Variants in SREK1IP1 observed in about 807,000 individuals in gnomAD.
SREK1IP1 encodes the protein SREK1 interacting protein 1.
Under a neutral mutation model 22.8 loss-of-function variants are expected in SREK1IP1, and 12 were observed. The ratio of observed to expected loss-of-function variants is 0.53; its 90% confidence interval spans 0.34 to 0.85. The LOEUF (loss-of-function observed/expected upper bound fraction) is 0.85, where lower values mean the gene tolerates loss of function less well. SREK1IP1 is among the 40% of genes least tolerant of loss of function. The pLI, the probability that SREK1IP1 is intolerant of heterozygous loss-of-function variation, is 0.02. For synonymous variants in SREK1IP1, 53 were observed against 52.7 expected (o/e 1.01, Z -0.02); for missense variants, 147 against 171.8 (o/e 0.86, Z 0.81).
At chr5:64,740,623 T>G (rs1370992161) in intron 3 of SREK1IP1, among the ~76,000 whole-genome samples, 1 of 152,176 alleles carries the variant, frequency 6.6e-6, no homozygotes, top group Non-Finnish European at 1.5e-5. Context: ...AGCTTGATAC[T>G]GGCTAAGATC....
chr5:64,761,878 GA>G (rs11332410), intron 1 of SREK1IP1, among the ~76,000 whole-genome samples: 49,937 of 151,636 alleles, frequency 0.33, 8,586 homozygotes, highest in East Asian at 0.51. Context: ...TAGCACAAAA[GA>G]AAAAAAATTT....
intron 1 of SREK1IP1, 87 bp downstream of exon 1, chr5:64,768,418 G>T (rs781409859): frequency 5.1e-6 from 8 of 1,570,966 alleles, no homozygotes; most frequent in Non-Finnish European, 7.0e-6. Flanking sequence ...CCCCATGGGC[G>T]CTGCTCCGTA....
At chr5:64,731,633 G>A in intron 3 of SREK1IP1, among the ~76,000 whole-genome samples, 1 of 151,980 alleles carries the variant, frequency 6.6e-6, no homozygotes. Context: ...CAAATGACAG[G>A]AGCCTCAAAA....
chr5:64,756,689 G>A (rs979526405), intron 1 of SREK1IP1, among the ~76,000 whole-genome samples: 12 of 151,194 alleles, frequency 7.9e-5, no homozygotes, highest in Admixed American at 2.6e-4. Context: ...GCAGTGGTGC[G>A]TATCTCGGCT....
At chr5:64,763,069 A>ATG (rs1156410388) in intron 1 of SREK1IP1, among the ~76,000 whole-genome samples, 2 of 151,626 alleles carry the variant, frequency 1.3e-5, no homozygotes, top group African/African-American at 4.9e-5. Context: ...ATATATATAT[A>ATG]AACAAATAAA....
intron 2 of SREK1IP1, among the ~76,000 whole-genome samples, chr5:64,747,366 T>C (rs1742655476): frequency 6.6e-6 from 1 of 152,112 alleles, no homozygotes; most frequent in African/African-American, 2.4e-5. Flanking sequence ...AGAATCGCCT[T>C]ATTAGTATAA....
chr5:64,742,679 A>G (rs77170849), intron 2 of SREK1IP1, among the ~76,000 whole-genome samples: 10,136 of 152,118 alleles, frequency 0.067, 1,104 homozygotes, highest in African/African-American at 0.23. Flanking sequence ...TTTATCCCCC[A>G]CATCCTGCCA....
intron 2 of SREK1IP1, among the ~76,000 whole-genome samples, chr5:64,742,827 A>G (rs573840733): frequency 6.6e-6 from 1 of 152,294 alleles, no homozygotes; most frequent in Admixed American, 6.5e-5. Flanking sequence ...ATATTAATGT[A>G]TCTAAAATAT....
chr5:64,751,440 T>C (rs529260455), intron 2 of SREK1IP1, among the ~76,000 whole-genome samples: 11 of 152,346 alleles, frequency 7.2e-5, no homozygotes, highest in Admixed American at 7.2e-4. Flanking sequence ...TGTAATTAAG[T>C]TGCTTTTAAA....
At chr5:64,725,138 AT>A (rs1742242040) in intron 4 of SREK1IP1, among the ~76,000 whole-genome samples, 1 of 152,152 alleles carries the variant, frequency 6.6e-6, no homozygotes, top group African/African-American at 2.4e-5. Context: ...TTACAAAATA[AT>A]TTTCATTAGT....
intron 1 of SREK1IP1, among the ~76,000 whole-genome samples, chr5:64,761,503 TGCTCCTAA>T (rs1742952062): frequency 6.6e-6 from 1 of 152,374 alleles, no homozygotes; most frequent in Admixed American, 6.5e-5. Context: ...TATAGCCTAC[TGCTCCTAA>T]GCTACAAACT....
intron 1 of SREK1IP1, among the ~76,000 whole-genome samples, chr5:64,755,984 T>C (rs573811422): frequency 1.3e-5 from 2 of 152,202 alleles, no homozygotes; most frequent in South Asian, 2.1e-4. Flanking sequence ...TTATAAGAAA[T>C]ATCTAAATTC....
intron 3 of SREK1IP1, among the ~76,000 whole-genome samples, 174 bp from the exon 4 acceptor site, chr5:64,728,353 G>T (rs1397237247): frequency 6.6e-6 from 1 of 151,838 alleles, no homozygotes; most frequent in Non-Finnish European, 1.5e-5. Context: ...ACTCATAAAA[G>T]TATTAAATGT....
rs1742164694 is a variant in SREK1IP1 at position 64,721,653 on chromosome 5, C to A, written c.*2731G>T. ...TAATGGCCATAAAGTGCCAGATAAT[C>A]TAGTTCCAGATGCAAACCTAAATAT... On this transcript the variant is annotated 3_prime_UTR_variant, in exon 5 of 5. Transcript: ENST00000513458. 1 of 151,572 alleles carries A rather than the reference C, an allele frequency of 6.6e-6. No individual in the cohort carries two copies. Among genetic ancestry groups the A allele is most frequent in the Middle Eastern group, 3.5e-3 (1 of 288 alleles). 9.4% of individuals were successfully genotyped at this position (151,572 alleles called of 1,614,324 possible).
chr5:64,733,419 T>C (rs1580540461), intron 3 of SREK1IP1, among the ~76,000 whole-genome samples: 1 of 152,152 alleles, frequency 6.6e-6, no homozygotes, highest in South Asian at 2.1e-4. Context: ...CATTCAACAG[T>C]AATGAAAAGA....
At chr5:64,749,952 G>T (rs1742712575) in intron 2 of SREK1IP1, among the ~76,000 whole-genome samples, 1 of 152,024 alleles carries the variant, frequency 6.6e-6, no homozygotes, top group South Asian at 2.1e-4. Context: ...AGTATTATTA[G>T]TATTCTCCAG....
intron 3 of SREK1IP1, among the ~76,000 whole-genome samples, chr5:64,729,084 C>T (rs6876191): frequency 0.067 from 10,161 of 152,084 alleles, 1,108 homozygotes; most frequent in African/African-American, 0.23. Flanking sequence ...CCCAGCTACT[C>T]GGGAGGAAGC....
chr5:64,746,388 T>C (rs993620566), intron 2 of SREK1IP1, among the ~76,000 whole-genome samples: 10 of 152,186 alleles, frequency 6.6e-5, no homozygotes, highest in African/African-American at 1.7e-4. Flanking sequence ...TTAAAAACTT[T>C]TGTGCAAAAT....
intron 1 of SREK1IP1, among the ~76,000 whole-genome samples, chr5:64,767,881 TTTAAG>T (rs1743076871): frequency 6.6e-6 from 1 of 152,172 alleles, no homozygotes; most frequent in Non-Finnish European, 1.5e-5. Flanking sequence ...GAGAAAATCT[TTTAAG>T]TAATTATTCT....
Sources: gnomAD v4.1 joint callset for allele counts (sites outside exome capture counted in the v4.1 genomes callset) on GRCh38, gnomAD v4.1.1 for gene constraint, MANE v1.5 for transcripts, NCBI Gene and HGNC (gene_info 2026-07-23, HGNC 2026-07-21) for gene names.